The following JAM3 variants were observed in gnomAD, a reference collection of about 807,000 sequenced individuals.
JAM3 encodes the protein junctional adhesion molecule C.
A neutral mutation model predicts 39.4 loss-of-function variants in JAM3; 31 were observed. That is an observed-to-expected ratio of 0.79 (90% CI 0.59 to 1.06). The LOEUF (loss-of-function observed/expected upper bound fraction) is 1.06. Ranked by LOEUF, JAM3 falls within the 50% of genes least tolerant of loss-of-function variation. The probability of loss-of-function intolerance (pLI) is 0.00; values close to 1 mark genes in which losing one functional copy is unlikely to be tolerated. For synonymous variants in JAM3, 182 were observed against 148.7 expected, an observed-to-expected ratio of 1.22 and a Z score of -1.63; for missense variants, 455 against 391.4, an observed-to-expected ratio of 1.16 and a Z score of -1.37.
intron 3 of JAM3, among the ~76,000 whole-genome samples, chr11:134,143,399 A>C (rs926255983): frequency 2.6e-5 from 4 of 152,180 alleles, no homozygotes; most frequent in Non-Finnish European, 5.9e-5. Context: ...ATGTCCATTT[A>C]AAAATATTTT....
intron 1 of JAM3, chr11:134,124,379 AAG>A: frequency 1.5e-6 from 1 of 650,850 alleles, no homozygotes; most frequent in South Asian, 1.8e-5. Context: ...GGAAAAGTGA[AAG>A]AAATCAATAA....
intron 1 of JAM3, among the ~76,000 whole-genome samples, chr11:134,098,343 CTT>C (rs1325992031): frequency 6.6e-6 from 1 of 152,082 alleles, no homozygotes; most frequent in Non-Finnish European, 1.5e-5. Flanking sequence ...TGAAAGAGGT[CTT>C]TTAATTTAAA....
At chr11:134,107,023 A>G (rs1411349163) in intron 1 of JAM3, among the ~76,000 whole-genome samples, 1 of 152,236 alleles carries the variant, frequency 6.6e-6, no homozygotes, top group Admixed American at 6.5e-5. Context: ...CTATAAAGAC[A>G]CATGCACACG....
intron 3 of JAM3, among the ~76,000 whole-genome samples, chr11:134,143,605 T>C (rs189743754): frequency 1.2e-4 from 19 of 152,348 alleles, no homozygotes; most frequent in Admixed American, 1.2e-3. Flanking sequence ...GATGCTAGGT[T>C]GGATGTACGA....
intron 1 of JAM3, among the ~76,000 whole-genome samples, chr11:134,090,923 C>T (rs1941836328): frequency 6.6e-6 from 1 of 152,168 alleles, no homozygotes; most frequent in Non-Finnish European, 1.5e-5. Flanking sequence ...TGAAGACAGA[C>T]ATTTAGAGTA....
intron 1 of JAM3, among the ~76,000 whole-genome samples, chr11:134,131,404 C>G (rs1259885166): frequency 1.3e-5 from 2 of 151,486 alleles, no homozygotes; most frequent in African/African-American, 4.9e-5. Context: ...CAGCCTTAAA[C>G]AGTAATTTTT....
At chr11:134,085,676 A>G (rs890906875) in intron 1 of JAM3, among the ~76,000 whole-genome samples, 1 of 152,228 alleles carries the variant, frequency 6.6e-6, no homozygotes, top group East Asian at 1.9e-4. Flanking sequence ...TTAAATCTTT[A>G]ATGGCAATAT....
At chr11:134,080,925 T>C (rs1294898178) in intron 1 of JAM3, among the ~76,000 whole-genome samples, 1 of 152,166 alleles carries the variant, frequency 6.6e-6, no homozygotes, top group Non-Finnish European at 1.5e-5. Flanking sequence ...ATATGGATAA[T>C]GAAGTCCAGG....
chr11:134,142,675 G>T (rs560494832), intron 3 of JAM3, among the ~76,000 whole-genome samples: 2 of 152,230 alleles, frequency 1.3e-5, no homozygotes, highest in East Asian at 3.9e-4. Context: ...CAGTTCAGGG[G>T]TTTTTAATAT....
At chr11:134,128,086 GA>G (rs1399443710) in intron 1 of JAM3, among the ~76,000 whole-genome samples, 1 of 151,848 alleles carries the variant, frequency 6.6e-6, no homozygotes, top group Non-Finnish European at 1.5e-5. Context: ...AAAAGGAAAA[GA>G]AAGAAAAAAG....
intron 2 of JAM3, 140 bp downstream of exon 2, chr11:134,140,056 T>G: frequency 1.4e-6 from 1 of 719,930 alleles, no homozygotes; most frequent in Admixed American, 2.0e-5. Context: ...TGCACAGGCC[T>G]GGAAGCATGG....
chr11:134,092,554 A>G (rs1941887255), intron 1 of JAM3, among the ~76,000 whole-genome samples: 1 of 149,864 alleles, frequency 6.7e-6, no homozygotes, highest in Non-Finnish European at 1.5e-5. Context: ...CATCTTATTC[A>G]TCATTTTCCA....
chr11:134,144,401 C>G lies in JAM3; in HGVS notation c.409+8C>G, dbSNP rs1943031485. On this transcript the variant is annotated splice_region_variant and intron_variant, in intron 4 of 8. Coordinates refer to ENST00000299106, the MANE Select transcript of JAM3 (RefSeq NM_032801.5). Reference sequence around the variant, plus strand: ...TCGAGTTAACTGTGCAAGGTAGGAGCTCATGCGAAGGTGAGACATTGCCAC... The same window carrying G: ...TCGAGTTAACTGTGCAAGGTAGGAGGTCATGCGAAGGTGAGACATTGCCAC... 6.2e-7 allele frequency: 1 copy of G among 1,614,140 alleles called. No individual in the cohort carries two copies. The highest frequency in any genetic ancestry group is 8.5e-7 in the Non-Finnish European group (1 of 1,179,992).
At chr11:134,126,953 C>T (rs1268611720) in intron 1 of JAM3, among the ~76,000 whole-genome samples, 1 of 152,184 alleles carries the variant, frequency 6.6e-6, no homozygotes, top group Non-Finnish European at 1.5e-5. Context: ...GCCTTTGGGC[C>T]ATCTTAGTGT....
chr11:134,128,783 C>T (rs1476357403), intron 1 of JAM3, among the ~76,000 whole-genome samples: 1 of 152,174 alleles, frequency 6.6e-6, no homozygotes, highest in Non-Finnish European at 1.5e-5. Context: ...CTTAATAAAT[C>T]ACCCAGTCTC....
chr11:134,113,691 C>T (rs1184254428), intron 1 of JAM3, among the ~76,000 whole-genome samples: 1 of 152,160 alleles, frequency 6.6e-6, no homozygotes. Flanking sequence ...GATTTATAAT[C>T]CTTTGGGTAT....
chr11:134,102,182 C>A (rs1219334323), intron 1 of JAM3, among the ~76,000 whole-genome samples: 1 of 152,300 alleles, frequency 6.6e-6, no homozygotes, highest in East Asian at 1.9e-4. Flanking sequence ...GGATGGAGTT[C>A]ATATAAAACC....
intron 1 of JAM3, among the ~76,000 whole-genome samples, chr11:134,122,488 G>T (rs1254615081): frequency 1.3e-5 from 2 of 152,184 alleles, no homozygotes; most frequent in African/African-American, 4.8e-5. Flanking sequence ...ACCCAGCCAA[G>T]AATCTGCAGA....
At chr11:134,101,276 T>C (rs940093988) in intron 1 of JAM3, among the ~76,000 whole-genome samples, 14 of 152,252 alleles carry the variant, frequency 9.2e-5, no homozygotes, top group Non-Finnish European at 1.6e-4. Context: ...TGAATTTAAA[T>C]GTGGGTTTTA....
Sources: allele counts gnomAD v4.1 joint callset (sites outside exome capture counted in the v4.1 genomes callset), GRCh38; gene constraint gnomAD v4.1.1; transcripts MANE v1.5; gene names NCBI Gene and HGNC (gene_info 2026-07-23, HGNC 2026-07-21).